SETD9: variants seen among roughly 807,000 people sequenced by gnomAD.
SETD9 encodes SET domain containing 9.
Under a neutral mutation model 36.4 loss-of-function variants are expected in SETD9, and 37 were observed. The observed-to-expected ratio is 1.02, with a 90% CI of 0.78 to 1.34. The LOEUF is 1.34. Among genes scored for constraint, SETD9 ranks in the 40% most tolerant of loss-of-function variants. The pLI is 0.00. For synonymous variants in SETD9, 128 were observed against 132.9 expected (o/e 0.96, Z 0.26); for missense variants, 323 against 353.2 (o/e 0.91, Z 0.69).
rs778261707 is a variant in SETD9, at chr5:56,917,198, TTTTG to T, written c.*300_*303del. ...TTTGAACTTATAATTTCAATTTTTC[TTTTG>T]TTTATTTTGTAAGCTCTGTGGTGGT... On this transcript the variant is annotated 3_prime_UTR_variant, in exon 6 of 6. Transcript: ENST00000285947. 402 of 1,069,078 alleles carry T rather than the reference TTTTG, an allele frequency of 3.8e-4. No homozygotes were observed. The highest frequency in any genetic ancestry group is 4.3e-4 in the Non-Finnish European group (379 of 885,320). The allele number at this position is 1,069,078 out of a possible 1,614,324, so 66.2% of individuals were successfully genotyped here. A position where few individuals can be genotyped will look rare whatever the true frequency, so the allele number is the denominator to read the frequency against.
In SETD9 at chr5:56,914,853, G is replaced by T. The variant is rs372105522; in HGVS notation, c.707-8G>T. The stretch of plus-strand genomic sequence containing the variant: ...CTCTTTTTCTAAAAATGATGTGCTT[G>T]TTCCTAGACAGAGCAGCTAATGTCT... On this transcript the variant is annotated splice_region_variant and splice_polypyrimidine_tract_variant and intron_variant, in intron 4 of 5. Coordinates refer to ENST00000285947, the MANE Select transcript of SETD9 (RefSeq NM_153706.4). The T allele has an allele frequency of 6.4e-7, 1 of 1,563,248 alleles. No individual in the cohort carries two copies. Among genetic ancestry groups the T allele is most frequent in the Non-Finnish European group, 8.7e-7 (1 of 1,147,616 alleles).
chr5:56,919,371 G>A (rs1256143406), downstream of SETD9, among the ~76,000 whole-genome samples: 1 of 152,004 alleles, frequency 6.6e-6, no homozygotes, highest in Non-Finnish European at 1.5e-5. Context: ...TGATCTGCCC[G>A]CCTCGGCCTC....
chr5:56,918,416 C>T (rs1749513743), downstream of SETD9, among the ~76,000 whole-genome samples: 1 of 152,164 alleles, frequency 6.6e-6, no homozygotes, highest in African/African-American at 2.4e-5. Context: ...TGACATATTC[C>T]TCATTCTCTT....
chr5:56,914,816 C>T (rs1322048987), intron 4 of SETD9, 45 bp from the exon 5 acceptor site: 6 of 1,408,400 alleles, frequency 4.3e-6, no homozygotes, highest in Non-Finnish European at 4.9e-6. Context: ...TTTCCATGAC[C>T]TTGTATAATG....
chr5:56,911,681 C>A lies in SETD9; in HGVS notation c.466+145C>A. 5 of 822,946 alleles carry A rather than the reference C, an allele frequency of 6.1e-6. No homozygotes were observed. In the South Asian group the frequency reaches 1.5e-4, roughly 25 times the overall value. 51.0% of individuals were successfully genotyped at this position (822,946 alleles called of 1,614,324 possible). A position where few individuals can be genotyped will look rare whatever the true frequency, so the allele number is the denominator to read the frequency against. ...TCCATAGATTTTTGCAATTCTAATT[C>A]GGAAATTAACTGTTTGTAAATTGTT... On this transcript the variant is annotated intron_variant, in intron 2 of 5. Coordinates refer to ENST00000285947, the MANE Select transcript of SETD9 (RefSeq NM_153706.4).
At chr5:56,928,643 A>G (rs1750119871), downstream of SETD9, 4 of 582,522 alleles carry the variant, frequency 6.9e-6, no homozygotes, top group Non-Finnish European at 1.2e-5. Context: ...TGTTAGAATG[A>G]TATCTGAAAT....
chr5:56,915,834 T>A (rs528021443), intron 5 of SETD9, among the ~76,000 whole-genome samples: 73 of 152,100 alleles, frequency 4.8e-4, no homozygotes, highest in African/African-American at 1.1e-3. Context: ...TGTGGTGGTG[T>A]GTACCTGTAG....
intron 5 of SETD9, chr5:56,923,000 T>C: frequency 2.9e-6 from 2 of 688,564 alleles, no homozygotes; most frequent in Non-Finnish European, 2.4e-6. Context: ...GATATAGTTC[T>C]ATACATACTG....
chr5:56,927,577 GT>G (rs555578765), downstream of SETD9, among the ~76,000 whole-genome samples: 24 of 152,058 alleles, frequency 1.6e-4, no homozygotes, highest in African/African-American at 5.8e-4. Flanking sequence ...ATAGACTTTA[GT>G]TTTTAAGAGT....
At chr5:56,919,712 T>C (rs965887478), downstream of SETD9, 12 of 152,606 alleles carry the variant, frequency 7.9e-5, no homozygotes, top group African/African-American at 2.7e-4. Flanking sequence ...TTAAAATCAA[T>C]GCAATAGCAA....
At chr5:56,921,379 G>GAGTAAT (rs1295021847), downstream of SETD9, 1 of 152,268 alleles carries the variant, frequency 6.6e-6, no homozygotes, top group African/African-American at 2.4e-5. Context: ...ACAGAGCCCA[G>GAGTAAT]GCTACCCATT....
chr5:56,919,064 G>A (rs1037125194), downstream of SETD9, among the ~76,000 whole-genome samples: 15 of 151,004 alleles, frequency 9.9e-5, no homozygotes, highest in African/African-American at 2.4e-4. Context: ...CTAGAACAGC[G>A]TTTGAAACAT....
Position 56,914,896 on chromosome 5 carries a change from G to A in SETD9, c.742G>A (p.Val248Met). ...TAATGTCTGTTATCAGGAATTTGAT[G>A]TGCCTGCAGTTTTCCCTATAGAACT... ...AANVCYQEFDVPAVFPIELKQ... is the reference protein window; with the variant it reads ...AANVCYQEFDMPAVFPIELKQ... Residue 248 changes from valine (V) to methionine (M), a missense_variant, in exon 5 of 6, where the codon GTG (valine) becomes ATG (methionine). Transcript: ENST00000285947. The A allele has an allele frequency of 1.2e-6, 2 of 1,601,478 alleles. No homozygotes were observed. The highest frequency in any genetic ancestry group is 1.7e-6 in the Non-Finnish European group (2 of 1,171,420).
At chr5:56,910,369 G>T in intron 1 of SETD9, 1 of 1,304,246 alleles carries the variant, frequency 7.7e-7, no homozygotes, top group South Asian at 1.2e-5. Context: ...TCAAAAGCAC[G>T]TCGGGATGGT....
intron 3 of SETD9, 109 bp from the exon 4 acceptor site, chr5:56,913,763 CTT>C (rs74270761): frequency 0.018 from 9,317 of 513,232 alleles, no homozygotes; most frequent in South Asian, 0.024. Flanking sequence ...ATACTAAAGT[CTT>C]TTTTTTTTTT....
At position 56,913,020 on chromosome 5, in the gene SETD9, A is replaced by G. The variant is rs370514568; in HGVS notation, c.476A>G (p.Tyr159Cys). 12 of 1,613,942 alleles carry G rather than the reference A, an allele frequency of 7.4e-6. No homozygotes were observed. In the South Asian group the frequency reaches 1.3e-4, roughly 18 times the overall value. The change falls in exon 3 of 6, where the codon TAT (tyrosine) becomes TGT (cysteine). Residue 159 changes from tyrosine (Y) to cysteine (C), a missense_variant. Transcript: ENST00000285947. ...TCTTGTTGTGTAATAGGTACAGTAT[A>G]TCAGAAGTATGAGCCGATCTTTTTC... ...AVVSMYPGTV[Y>C]QKYEPIFFQS...
At chr5:56,912,717 A>G (rs999645425) in intron 2 of SETD9, among the ~76,000 whole-genome samples, 20 of 152,164 alleles carry the variant, frequency 1.3e-4, no homozygotes, top group Admixed American at 9.2e-4. Flanking sequence ...TTAAATATAT[A>G]TGTGTGTGTG....
chr5:56,919,052 A>G (rs1043281780), downstream of SETD9, among the ~76,000 whole-genome samples: 1 of 152,118 alleles, frequency 6.6e-6, no homozygotes, highest in African/African-American at 2.4e-5. Context: ...AAAGACAGTT[A>G]CCTAGAACAG....
chr5:56,924,241 C>T (rs1392533393), intron 5 of SETD9, among the ~76,000 whole-genome samples: 1 of 151,156 alleles, frequency 6.6e-6, no homozygotes, highest in Non-Finnish European at 1.5e-5. Flanking sequence ...AGGCCATTTT[C>T]GAAAGCCCAA....
Sources: gnomAD v4.1 joint callset for allele counts (sites outside exome capture counted in the v4.1 genomes callset) on GRCh38, gnomAD v4.1.1 for gene constraint, MANE v1.5 for transcripts, NCBI Gene and HGNC (gene_info 2026-07-23, HGNC 2026-07-21) for gene names.